Variants in ATRNL1 observed in about 807,000 individuals in gnomAD.
ATRNL1 encodes attractin like 1, also known as attractin-like protein 1.
In ATRNL1, 95 loss-of-function variants were observed where a neutral mutation model predicts 182.7. The observed-to-expected ratio is 0.52, with a 90% CI of 0.44 to 0.62. The LOEUF (loss-of-function observed/expected upper bound fraction) is 0.62, where lower values mean the gene tolerates loss of function less well. ATRNL1 is among the 20% of genes least tolerant of loss of function. ATRNL1 has a pLI of 0.00. For missense variants in ATRNL1, 1,471 were observed against 1,679.5 expected (o/e 0.88, Z 2.17); for synonymous variants, 576 against 568.3 (o/e 1.01, Z -0.19).
intron 26 of ATRNL1, among the ~76,000 whole-genome samples, chr10:115,724,319 A>G (rs1169837930): frequency 5.9e-5 from 9 of 152,154 alleles, no homozygotes; most frequent in African/African-American, 2.2e-4. Context: ...ATAAATTTGC[A>G]AAACATTTGT....
intron 28 of ATRNL1, among the ~76,000 whole-genome samples, chr10:115,888,883 G>A (rs1227171767): frequency 1.3e-5 from 2 of 152,168 alleles, no homozygotes; most frequent in Non-Finnish European, 2.9e-5. Flanking sequence ...CACAGAAATG[G>A]CATGTCACTT....
intron 19 of ATRNL1, among the ~76,000 whole-genome samples, chr10:115,378,654 G>A (rs116107557): frequency 6.6e-6 from 1 of 152,152 alleles, no homozygotes; most frequent in Admixed American, 6.5e-5. Flanking sequence ...TTGGGGACCT[G>A]TTCAGGATCT....
chr10:115,333,380 T>C (rs747519019), intron 18 of ATRNL1, among the ~76,000 whole-genome samples: 5 of 152,222 alleles, frequency 3.3e-5, no homozygotes, highest in African/African-American at 1.2e-4. Flanking sequence ...TCTCATACTT[T>C]ATATTTCATT....
At chr10:115,474,355 C>A (rs1848438061) in intron 24 of ATRNL1, among the ~76,000 whole-genome samples, 1 of 151,360 alleles carries the variant, frequency 6.6e-6, no homozygotes, top group African/African-American at 2.4e-5. Flanking sequence ...TGTGATGGGT[C>A]ACTTTTATCT....
intron 26 of ATRNL1, among the ~76,000 whole-genome samples, chr10:115,655,271 T>G (rs1860261041): frequency 6.6e-6 from 1 of 152,190 alleles, no homozygotes; most frequent in African/African-American, 2.4e-5. Flanking sequence ...GGCGATCACT[T>G]TATACAAATA....
chr10:115,327,993 G>A (rs1185442781), intron 18 of ATRNL1, among the ~76,000 whole-genome samples: 1 of 152,078 alleles, frequency 6.6e-6, no homozygotes, highest in South Asian at 2.1e-4. Flanking sequence ...GCTAGATGAC[G>A]AGTTAGTGGG....
intron 28 of ATRNL1, among the ~76,000 whole-genome samples, chr10:115,937,603 A>C (rs1442818490): frequency 7.2e-5 from 11 of 152,250 alleles, no homozygotes; most frequent in Non-Finnish European, 1.5e-4. Context: ...TTAAGTCTGC[A>C]CAATAGTTAG....
intron 26 of ATRNL1, among the ~76,000 whole-genome samples, chr10:115,576,998 C>A (rs1555005431): frequency 6.6e-6 from 1 of 151,464 alleles, no homozygotes; most frequent in Non-Finnish European, 1.5e-5. Flanking sequence ...CTATCCATTC[C>A]CTATTGTGTC....
At chr10:115,425,873 T>A (rs540508369) in intron 20 of ATRNL1, among the ~76,000 whole-genome samples, 47 of 152,112 alleles carry the variant, frequency 3.1e-4, no homozygotes, top group Non-Finnish European at 6.2e-4. Context: ...ATGAATTCCC[T>A]GAATTTTCTT....
chr10:115,573,874 G>A (rs1854548881), intron 26 of ATRNL1, among the ~76,000 whole-genome samples: 1 of 152,122 alleles, frequency 6.6e-6, no homozygotes, highest in Admixed American at 6.5e-5. Context: ...AGTTATGACA[G>A]TACCATTGCT....
At position 115,441,699 on chromosome 10, in the gene ATRNL1, A is replaced by G. The variant is rs192501214; in HGVS notation, c.3322+15397A>G. Among the ~76,000 whole-genome samples the G allele has an allele frequency of 5.0e-3, 754 of 152,066 alleles. 6 individuals carry two copies. The highest frequency in any genetic ancestry group is 5.4e-3 in the Non-Finnish European group (369 of 67,864). On this transcript the variant is annotated intron_variant, in intron 21 of 28. Coordinates refer to ENST00000355044, the MANE Select transcript of ATRNL1 (RefSeq NM_207303.4). ...TAGAAAGTCATATTCAGTATTTTCAAAACAGAACTCTAAGTTTTTCCTCAT... is the reference window on the plus strand; with the variant it reads ...TAGAAAGTCATATTCAGTATTTTCAGAACAGAACTCTAAGTTTTTCCTCAT...
chr10:115,504,998 G>A (rs1404700433), intron 24 of ATRNL1, among the ~76,000 whole-genome samples: 1 of 151,914 alleles, frequency 6.6e-6, no homozygotes, highest in Non-Finnish European at 1.5e-5. Flanking sequence ...CAGCTAAATA[G>A]CCTTAAATTT....
intron 27 of ATRNL1, among the ~76,000 whole-genome samples, chr10:115,730,512 CAGTGTTCAT>C (rs1947764129): frequency 1.3e-5 from 2 of 152,132 alleles, no homozygotes; most frequent in African/African-American, 4.8e-5. Context: ...TCTCCTTTCT[CAGTGTTCAT>C]ACATTTTTCT....
chr10:115,222,389 A>G (rs1156522416), intron 9 of ATRNL1, among the ~76,000 whole-genome samples: 1 of 152,208 alleles, frequency 6.6e-6, no homozygotes, highest in Non-Finnish European at 1.5e-5. Context: ...CAAATGTGTA[A>G]CATTATTTTA....
chr10:115,691,723 AAATC>A (rs201945195), intron 26 of ATRNL1, among the ~76,000 whole-genome samples: 15 of 152,112 alleles, frequency 9.9e-5, no homozygotes, highest in African/African-American at 3.1e-4. Context: ...CCCTGTCTAA[AAATC>A]AATCAATCAA....
chr10:115,376,037 T>C (rs1857651625), intron 19 of ATRNL1, among the ~76,000 whole-genome samples: 1 of 152,194 alleles, frequency 6.6e-6, no homozygotes, highest in African/African-American at 2.4e-5. Flanking sequence ...GTGGACTCTC[T>C]TAGCTTTTTG....
At chr10:115,809,299 T>C (rs1213369936) in intron 27 of ATRNL1, among the ~76,000 whole-genome samples, 3 of 127,426 alleles carry the variant, frequency 2.4e-5, no homozygotes, top group Non-Finnish European at 3.3e-5. Context: ...TTGTTTTGGC[T>C]ATTCTAGATC....
In ATRNL1 at chr10:115,215,816, T is replaced by C; in HGVS notation, c.1468T>C (p.Leu490=). 2 of 1,604,734 alleles carry C rather than the reference T, an allele frequency of 1.2e-6. No homozygotes were observed. The highest frequency in any genetic ancestry group is 1.7e-6 in the Non-Finnish European group (2 of 1,176,740). ...SIYVHGGYKA[L]PGNKYGLVDD... is the part of the protein sequence containing the mutation. ...TTATGTTCATGGAGGGTATAAAGCA[T>C]TGCCAGGGAACAAATATGGATTGGT... Residue 490 remains leucine, a synonymous_variant, in exon 9 of 29, where the codon TTG becomes CTG. Coordinates refer to ENST00000355044, the MANE Select transcript of ATRNL1 (RefSeq NM_207303.4).
intron 5 of ATRNL1, among the ~76,000 whole-genome samples, chr10:115,134,006 A>G (rs1845387153): frequency 6.6e-6 from 1 of 152,146 alleles, no homozygotes; most frequent in Non-Finnish European, 1.5e-5. Flanking sequence ...AATGAGAACA[A>G]AGACACACAA....
Sources: allele counts gnomAD v4.1 joint callset (sites outside exome capture counted in the v4.1 genomes callset), GRCh38; gene constraint gnomAD v4.1.1; transcripts MANE v1.5; gene names NCBI Gene and HGNC (gene_info 2026-07-23, HGNC 2026-07-21).